LMOD1: variants seen among roughly 807,000 people sequenced by gnomAD.
LMOD1 encodes the protein leiomodin-1.
In LMOD1, 8 loss-of-function variants were observed where a neutral mutation model predicts 36.5. That is an observed-to-expected ratio of 0.22 (90% confidence interval 0.13 to 0.40). LMOD1 has a LOEUF of 0.40. Ranked by LOEUF, LMOD1 falls within the 10% of genes least tolerant of loss-of-function variation. The probability of loss-of-function intolerance (pLI) is 1.00; values close to 1 mark genes in which losing one functional copy is unlikely to be tolerated. For synonymous variants in LMOD1, 284 were observed against 288.7 expected, an observed-to-expected ratio of 0.98 and a Z score of 0.17; for missense variants, 630 against 751.1, an observed-to-expected ratio of 0.84 and a Z score of 1.88.
chr1:201,921,468 A>G (rs1460390026), intron 1 of LMOD1, among the ~76,000 whole-genome samples: 1 of 116,826 alleles, frequency 8.6e-6, no homozygotes, highest in African/African-American at 3.4e-5. Context: ...AGCCTGGGCG[A>G]CAGAGTGAGA....
chr1:201,921,746 G>A (rs1373038924), intron 1 of LMOD1, among the ~76,000 whole-genome samples: 3 of 151,822 alleles, frequency 2.0e-5, no homozygotes, highest in Non-Finnish European at 4.4e-5. Flanking sequence ...GGATCACGAG[G>A]TCAGGAGATC....
Position 201,900,026 on chromosome 1 carries a change from G to A in LMOD1, c.987C>T (p.Asp329=), listed in dbSNP as rs565415486. The change falls in exon 2 of 3, where the codon GAC becomes GAT. Residue 329 remains aspartate (D), a synonymous_variant. Coordinates refer to ENST00000367288, the MANE Select transcript of LMOD1 (RefSeq NM_012134.3). ...TGACGTTCACCTCAGTCATCTCGGG[G>A]TCATTGTTCTTCACTCTCTCCAGAG... ...DEPLERVKNN[D]PEMTEVNVNN... 2 of 1,613,798 alleles carry A rather than the reference G, an allele frequency of 1.2e-6. No individual in the cohort carries two copies. Among genetic ancestry groups the A allele is most frequent in the South Asian group, 2.2e-5 (2 of 91,040 alleles).
intron 1 of LMOD1, among the ~76,000 whole-genome samples, chr1:201,904,642 GTGTC>G (rs1681384511): frequency 6.6e-6 from 1 of 152,210 alleles, no homozygotes; most frequent in African/African-American, 2.4e-5. Flanking sequence ...GATCTGCCAA[GTGTC>G]TGTTCTTGAG....
chr1:201,933,616 T>TATATATATATATATATAC (rs1681968889), intron 1 of LMOD1, among the ~76,000 whole-genome samples: 7 of 84,944 alleles, frequency 8.2e-5, no homozygotes, highest in Admixed American at 5.5e-4. Context: ...TATATATATA[T>TATATATATATATATATAC]ATATATATGG....
At chr1:201,940,579 CTCAAAGTCTTTTTTTTTTTTTTTTGA>C (rs898832258) in intron 1 of LMOD1, among the ~76,000 whole-genome samples, 2 of 150,776 alleles carry the variant, frequency 1.3e-5, no homozygotes, top group African/African-American at 4.9e-5. Flanking sequence ...GCCTCACTTG[CTCAAAGTCTTTTTTTTTTTTTTTTGA>C]GATGGAGTCT....
chr1:201,927,364 G>A (rs1363872595), intron 1 of LMOD1, among the ~76,000 whole-genome samples: 1 of 152,124 alleles, frequency 6.6e-6, no homozygotes, highest in Admixed American at 6.6e-5. Flanking sequence ...TCAGGAGATT[G>A]AGACCATCCT....
intron 1 of LMOD1, among the ~76,000 whole-genome samples, chr1:201,939,046 G>A (rs1381504471): frequency 3.3e-5 from 5 of 152,058 alleles, no homozygotes; most frequent in Non-Finnish European, 7.4e-5. Context: ...GGCTGCTGGG[G>A]CCAGGCAGCG....
chr1:201,898,291 G>T lies in LMOD1; in HGVS notation c.*81C>A, dbSNP rs182770221. ...ATCCACAGCAGGTCAGCCAGGGATGGGGTGGGCAGGGTCTGTGTAGCCCTG... is the reference window on the plus strand; with the variant it reads ...ATCCACAGCAGGTCAGCCAGGGATGTGGTGGGCAGGGTCTGTGTAGCCCTG... On this transcript the variant is annotated 3_prime_UTR_variant, in exon 3 of 3. Coordinates refer to ENST00000367288, the MANE Select transcript of LMOD1 (RefSeq NM_012134.3). 2 of 1,432,832 alleles carry T rather than the reference G, an allele frequency of 1.4e-6. No homozygotes were observed. The highest frequency in any genetic ancestry group is 4.7e-5 in the East Asian group (2 of 42,324). 88.8% of individuals were successfully genotyped at this position (1,432,832 alleles called of 1,614,324 possible). A position where few individuals can be genotyped will look rare whatever the true frequency, so the allele number is the denominator to read the frequency against.
chr1:201,936,096 CAAAAAAAAAA>C (rs61077548), intron 1 of LMOD1, among the ~76,000 whole-genome samples: 4 of 73,142 alleles, frequency 5.5e-5, no homozygotes, highest in Admixed American at 1.3e-4. Context: ...GACCTTGTCT[CAAAAAAAAAA>C]AAAAAAAAAA....
intron 1 of LMOD1, among the ~76,000 whole-genome samples, chr1:201,908,946 C>T (rs575642653): frequency 2.5e-4 from 38 of 152,358 alleles, no homozygotes; most frequent in African/African-American, 8.7e-4. Flanking sequence ...CCCAATAAAC[C>T]TGACAAGCAA....
rs1331619040 is a variant in LMOD1 at position 201,924,460 on chromosome 1, G to A, written c.261+21620C>T. On this transcript the variant is annotated intron_variant, in intron 1 of 2. Coordinates refer to ENST00000367288, the MANE Select transcript of LMOD1 (RefSeq NM_012134.3). The stretch of plus-strand genomic sequence containing the variant: ...AGGAAGCAAGGAAGGAGGGAGGGAG[G>A]GAAGGAAGGAAGGAAGGAAGCAAGG... 3.0e-5 allele frequency among the ~76,000 whole-genome samples: 2 copies of A among 67,686 alleles called. 1 individual carries two copies. The allele number at this position is 67,686 out of a possible 152,430, so 44.4% of individuals were successfully genotyped here.
intron 1 of LMOD1, among the ~76,000 whole-genome samples, chr1:201,914,213 C>A (rs113714808): frequency 1.6e-4 from 25 of 152,328 alleles, no homozygotes; most frequent in African/African-American, 6.0e-4. Context: ...GCTCCTCCTC[C>A]CAGGTGCTGG....
intron 1 of LMOD1, among the ~76,000 whole-genome samples, chr1:201,903,784 C>T (rs1681368237): frequency 6.6e-6 from 1 of 152,190 alleles, no homozygotes; most frequent in Non-Finnish European, 1.5e-5. Flanking sequence ...CTCTTCCTTC[C>T]TTTCCCAAAA....
intron 1 of LMOD1, among the ~76,000 whole-genome samples, chr1:201,916,967 G>A (rs189199718): frequency 6.6e-6 from 1 of 152,150 alleles, no homozygotes; most frequent in African/African-American, 2.4e-5. Flanking sequence ...TTGTGAACCT[G>A]GGAAAAAAAG....
At chr1:201,945,515 T>C (rs1383224284) in intron 1 of LMOD1, among the ~76,000 whole-genome samples, 2 of 152,194 alleles carry the variant, frequency 1.3e-5, no homozygotes, top group African/African-American at 4.8e-5. Flanking sequence ...TTAAGCCACA[T>C]TTCCCAGCCC....
At chr1:201,912,092 G>C (rs1681505451) in intron 1 of LMOD1, among the ~76,000 whole-genome samples, 1 of 152,164 alleles carries the variant, frequency 6.6e-6, no homozygotes, top group Non-Finnish European at 1.5e-5. Context: ...GTTGCACCTG[G>C]AAGGAGTGAA....
chr1:201,916,285 T>C (rs1027900413), intron 1 of LMOD1, among the ~76,000 whole-genome samples: 3 of 151,504 alleles, frequency 2.0e-5, no homozygotes, highest in East Asian at 2.0e-4. Flanking sequence ...AAGGTCAGGG[T>C]GAGGGGAAGC....
intron 1 of LMOD1, among the ~76,000 whole-genome samples, chr1:201,942,320 G>A (rs1204927743): frequency 6.6e-6 from 1 of 152,200 alleles, no homozygotes; most frequent in Non-Finnish European, 1.5e-5. Flanking sequence ...TGTCCCAAGG[G>A]CTTTGGTACA....
intron 1 of LMOD1, among the ~76,000 whole-genome samples, chr1:201,923,487 GA>G (rs1344415836): frequency 6.6e-6 from 1 of 152,132 alleles, no homozygotes; most frequent in East Asian, 1.9e-4. Flanking sequence ...TCAGGAGTCT[GA>G]GGCAGGAGGA....
Sources: gnomAD v4.1 joint callset for allele counts (sites outside exome capture counted in the v4.1 genomes callset) on GRCh38, gnomAD v4.1.1 for gene constraint, MANE v1.5 for transcripts, NCBI Gene and HGNC (gene_info 2026-07-23, HGNC 2026-07-21) for gene names.